LTBP2: variants seen among roughly 807,000 people sequenced by gnomAD.
LTBP2 encodes latent transforming growth factor beta binding protein 2.
In LTBP2, 103 loss-of-function variants were observed where a neutral mutation model predicts 210.6. The ratio of observed to expected loss-of-function variants is 0.49; its 90% confidence interval spans 0.42 to 0.58. LTBP2 has a LOEUF of 0.58. LTBP2 is among the 20% of genes least tolerant of loss of function. LTBP2 has a pLI of 0.00. For synonymous variants in LTBP2, 1,007 were observed against 1,015.0 expected (o/e 0.99, Z 0.15); for missense variants, 2,313 against 2,494.5 (o/e 0.93, Z 1.55).
chr14:74,526,123 A>G lies in LTBP2; in HGVS notation c.2389-9T>C. 1.3e-6 allele frequency: 2 copies of G among 1,597,510 alleles called. No homozygotes were observed. Among genetic ancestry groups the G allele is most frequent in the South Asian group, 2.3e-5 (2 of 88,268 alleles). ...GTGACACTGGTCGTGACCTGCACAG[A>G]AACAGGAGAAGGTCACTTTTGGCTC... On this transcript the variant is annotated splice_polypyrimidine_tract_variant and intron_variant, in intron 13 of 35. Transcript: ENST00000261978.
intron 2 of LTBP2, among the ~76,000 whole-genome samples, chr14:74,600,876 G>T (rs1290752705): frequency 1.3e-5 from 2 of 152,156 alleles, no homozygotes; most frequent in African/African-American, 4.8e-5. Flanking sequence ...CCTGGGAGCT[G>T]GTTAGAACAT....
chr14:74,578,676 C>T (rs10133124), intron 3 of LTBP2, among the ~76,000 whole-genome samples: 60,145 of 152,062 alleles, frequency 0.4, 13,105 homozygotes, highest in Non-Finnish European at 0.49. Context: ...TCTAGGTTCA[C>T]GATATCATCA....
intron 9 of LTBP2, among the ~76,000 whole-genome samples, chr14:74,535,062 T>C (rs1325527082): frequency 1.3e-5 from 2 of 152,120 alleles, no homozygotes; most frequent in Admixed American, 6.5e-5. Flanking sequence ...CACTGTCTGC[T>C]TGGCCCTCAA....
At chr14:74,509,903 A>G (rs1322566279) in intron 20 of LTBP2, 44 bp from the exon 21 acceptor site, 1 of 1,613,846 alleles carries the variant, frequency 6.2e-7, no homozygotes, top group Non-Finnish European at 8.5e-7. Flanking sequence ...TGCAGGACAG[A>G]CAGGCCAGGA....
chr14:74,506,673 C>T (rs1420091693), intron 27 of LTBP2, 25 bp downstream of exon 27: 1 of 1,612,024 alleles, frequency 6.2e-7, no homozygotes, highest in South Asian at 1.1e-5. Context: ...TGGCCCAGAC[C>T]TTGGGTAGCC....
intron 9 of LTBP2, among the ~76,000 whole-genome samples, chr14:74,532,767 C>T (rs1432231793): frequency 6.6e-6 from 1 of 152,310 alleles, no homozygotes; most frequent in South Asian, 2.1e-4. Context: ...TGGATAAGAT[C>T]AAATTGCAAA....
At position 74,501,560 on chromosome 14, in the gene LTBP2, G is replaced by A. The variant is rs774080243; in HGVS notation, c.5201C>T (p.Ala1734Val). ...GCCGTTCAGGATGCCGCACTCCTCC[G>A]CCTGAAGCCCTTCGAAGCCGGCTGG... is the stretch of plus-strand genomic sequence containing the variant. ...EPPAGFEGLQ[A>V]EECGILNGCE... The change falls in exon 35 of 36, where the codon GCG (alanine) becomes GTG (valine). Residue 1734 changes from alanine (A) to valine (V), a missense_variant. By Grantham distance (64) the Ala-to-Val change is moderately conservative (BLOSUM62 0). Transcript: ENST00000261978. The A allele has an allele frequency of 5.0e-6, 8 of 1,614,012 alleles. No individual in the cohort carries two copies. Among genetic ancestry groups the A allele is most frequent in the African/African-American group, 1.3e-5 (1 of 74,926 alleles).
At position 74,510,073 on chromosome 14, in the gene LTBP2, G is replaced by A. The variant is rs1419407209; in HGVS notation, c.3151+18C>T. 6 of 1,613,798 alleles carry A rather than the reference G, an allele frequency of 3.7e-6. No individual in the cohort carries two copies. Among genetic ancestry groups the A allele is most frequent in the Middle Eastern group, 1.6e-4 (1 of 6,084 alleles). The stretch of plus-strand genomic sequence containing the variant: ...CTGGATCGGCCTGCGGAGAAGGGGC[G>A]CTTCAGCATCTCTGTACCTTGGCAG... On this transcript the variant is annotated intron_variant, in intron 20 of 35. Transcript: ENST00000261978.
chr14:74,598,382 T>C (rs2088400025), intron 2 of LTBP2, among the ~76,000 whole-genome samples: 1 of 152,208 alleles, frequency 6.6e-6, no homozygotes, highest in Non-Finnish European at 1.5e-5. Flanking sequence ...CAGGATCCCC[T>C]GAACACCGTG....
Position 74,502,598 on chromosome 14 carries a change from G to A in LTBP2, c.5170+55C>T, listed in dbSNP as rs1595236238. 2.5e-6 allele frequency: 4 copies of A among 1,611,562 alleles called. No homozygotes were observed. The South Asian group carries it at 3.3e-5, about 13-fold the overall frequency. Reference sequence around the variant, plus strand: ...AATATGACTAGCAGGTGGAGGAGATGGAAGTGAAACAGCTTTGGTGCCCAC... The same window carrying A: ...AATATGACTAGCAGGTGGAGGAGATAGAAGTGAAACAGCTTTGGTGCCCAC... On this transcript the variant is annotated intron_variant, in intron 34 of 35. Transcript: ENST00000261978.
At chr14:74,521,487 G>A (rs564782769) in intron 17 of LTBP2, among the ~76,000 whole-genome samples, 53 of 152,238 alleles carry the variant, frequency 3.5e-4, no homozygotes, top group African/African-American at 1.2e-3. Flanking sequence ...CTGAGGAGCC[G>A]TGCTCCTCGT....
intron 5 of LTBP2, 39 bp downstream of exon 5, chr14:74,552,852 AG>A (rs752223724): frequency 9.5e-5 from 151 of 1,594,546 alleles, no homozygotes; most frequent in Non-Finnish European, 1.2e-4. Flanking sequence ...TCTACCCTCC[AG>A]GGCCAGCTGG....
chr14:74,564,049 TTATATATATATTTA>T (rs2087833792), intron 3 of LTBP2, among the ~76,000 whole-genome samples: 13 of 45,898 alleles, frequency 2.8e-4, no homozygotes, highest in Admixed American at 4.0e-4. Context: ...ATATATATAT[TTATATATATATTTA>T]TATATATATA....
At chr14:74,564,989 G>T (rs1272556090) in intron 3 of LTBP2, among the ~76,000 whole-genome samples, 1 of 152,202 alleles carries the variant, frequency 6.6e-6, no homozygotes, top group African/African-American at 2.4e-5. Context: ...GAATAGGTCT[G>T]TGCCCTTATG....
intron 2 of LTBP2, among the ~76,000 whole-genome samples, chr14:74,589,927 C>T (rs2088258767): frequency 6.6e-6 from 1 of 152,112 alleles, no homozygotes; most frequent in African/African-American, 2.4e-5. Flanking sequence ...TGGTCCTTGC[C>T]CCGAGGATGG....
intron 11 of LTBP2, 75 bp from the exon 12 acceptor site, chr14:74,528,773 C>T (rs2087311280): frequency 1.9e-6 from 3 of 1,565,630 alleles, no homozygotes; most frequent in Non-Finnish European, 2.6e-6. Flanking sequence ...CTTTCCCTCC[C>T]TTTGGGAGAC....
chr14:74,580,465 CG>C (rs1231740493), intron 3 of LTBP2, among the ~76,000 whole-genome samples: 5 of 152,046 alleles, frequency 3.3e-5, no homozygotes, highest in Non-Finnish European at 7.4e-5. Flanking sequence ...ATGACTGAGG[CG>C]GGGTCAAGGT....
In LTBP2 at chr14:74,508,085, C is replaced by T. The variant is rs756537149; in HGVS notation, c.3663G>A (p.Glu1221=). The T allele has an allele frequency of 5.0e-6, 8 of 1,613,808 alleles. No individual in the cohort carries two copies. The highest frequency in any genetic ancestry group is 6.8e-6 in the Non-Finnish European group (8 of 1,180,006). Residue 1221 remains glutamate (E), a synonymous_variant, in exon 25 of 36, where the codon GAG becomes GAA. Transcript: ENST00000261978. ...CCACACACGGGTCTGTGGTGGCACACTCGTCCACATCTAGAGTAGAGATGG... is the reference window on the plus strand; with the variant it reads ...CCACACACGGGTCTGTGGTGGCACATTCGTCCACATCTAGAGTAGAGATGG... The part of the protein sequence containing the change: ...EGGTSCQDVD[E]CATTDPCVGG...
intron 3 of LTBP2, among the ~76,000 whole-genome samples, chr14:74,565,574 AT>A (rs1463367084): frequency 1.3e-5 from 2 of 152,312 alleles, no homozygotes; most frequent in Non-Finnish European, 2.9e-5. Context: ...AGATCTCAAC[AT>A]GAGAAATCCA....
Sources: allele counts gnomAD v4.1 joint callset (sites outside exome capture counted in the v4.1 genomes callset), GRCh38; gene constraint gnomAD v4.1.1; transcripts MANE v1.5; gene names NCBI Gene and HGNC (gene_info 2026-07-23, HGNC 2026-07-21).